Variants in TSHB observed in about 807,000 individuals in gnomAD.
The protein encoded by TSHB is thyrotropin subunit beta.
Under a neutral mutation model 9.3 loss-of-function variants are expected in TSHB, and 9 were observed. The ratio of observed to expected loss-of-function variants is 0.97; its 90% confidence interval spans 0.58 to 1.69. The LOEUF is 1.69. Among genes scored for constraint, TSHB ranks in the 40% most tolerant of loss-of-function variants. The pLI is 0.00. For synonymous variants in TSHB, 57 were observed against 57.2 expected (o/e 1.00, Z 0.01); for missense variants, 182 against 168.5 (o/e 1.08, Z -0.44).
At chr1:115,033,578 G>A in intron 2 of TSHB, 54 bp downstream of exon 2, 1 of 1,464,494 alleles carries the variant, frequency 6.8e-7, no homozygotes, top group Non-Finnish European at 9.6e-7. Context: ...CCCTGAAGAA[G>A]TCCATTCCTA....
intron 1 of TSHB, among the ~76,000 whole-genome samples, chr1:115,030,511 G>A (rs1038940191): frequency 1.3e-5 from 2 of 151,926 alleles, no homozygotes; most frequent in Non-Finnish European, 2.9e-5. Context: ...AGAGAGGAAA[G>A]TGTTTATTAA....
intron 1 of TSHB, among the ~76,000 whole-genome samples, chr1:115,030,467 G>C (rs1188936750): frequency 6.6e-6 from 1 of 151,954 alleles, no homozygotes; most frequent in Non-Finnish European, 1.5e-5. Flanking sequence ...AAGGGATTTG[G>C]AGAGTAAAAA....
In TSHB at chr1:115,033,421, C is replaced by G. The variant is rs781534084; in HGVS notation, c.59C>G (p.Ser20Cys). Residue 20 changes from serine to cysteine, a missense_variant, in exon 2 of 3, where the codon TCT becomes TGT. Physicochemically the swap from Ser to Cys is moderately radical, Grantham distance 112 (BLOSUM62 -1). Transcript: ENST00000256592. ...LFGLTCGQAM[S>C]FCIPTEYTMH... Reference sequence around the variant, plus strand: ...GGCCTTACATGTGGGCAAGCGATGTCTTTTTGTATTCCAACTGAGTATACA... The same window carrying G: ...GGCCTTACATGTGGGCAAGCGATGTGTTTTTGTATTCCAACTGAGTATACA... 1.2e-6 allele frequency: 2 copies of G among 1,613,338 alleles called. No homozygotes were observed. The highest frequency in any genetic ancestry group is 3.3e-5 in the Admixed American group (2 of 59,976).
chr1:115,034,099 T>C lies in TSHB; in HGVS notation c.289T>C (p.Tyr97His). The C allele has an allele frequency of 6.2e-7, 1 of 1,613,850 alleles. No homozygotes were observed. The highest frequency in any genetic ancestry group is 8.5e-7 in the Non-Finnish European group (1 of 1,179,810). Residue 97 changes from tyrosine to histidine, a missense_variant, in exon 3 of 3, where the codon TAT (tyrosine) becomes CAT (histidine). Physicochemically the swap from Tyr to His is moderately conservative, Grantham distance 83 (BLOSUM62 2). Transcript: ENST00000256592. Reference sequence around the variant, plus strand: ...ACTCCATGTTGCTCCCTATTTTTCCTATCCTGTTGCTTTAAGCTGTAAGTG... The same window carrying C: ...ACTCCATGTTGCTCCCTATTTTTCCCATCCTGTTGCTTTAAGCTGTAAGTG... ...CPLHVAPYFS[Y>H]PVALSCKCGK...
chr1:115,030,870 T>C (rs1440181529), intron 1 of TSHB, among the ~76,000 whole-genome samples: 1 of 152,068 alleles, frequency 6.6e-6, no homozygotes, highest in East Asian at 1.9e-4. Context: ...GCCAAGTGTT[T>C]CACATGTATT....
intron 1 of TSHB, among the ~76,000 whole-genome samples, chr1:115,030,889 C>CT (rs1333004948): frequency 6.6e-6 from 1 of 151,912 alleles, no homozygotes; most frequent in Non-Finnish European, 1.5e-5. Flanking sequence ...TTGTTTTATT[C>CT]TTTTTATGAT....
chr1:115,031,240 T>G (rs976968286), intron 1 of TSHB, among the ~76,000 whole-genome samples: 1 of 152,020 alleles, frequency 6.6e-6, no homozygotes, highest in African/African-American at 2.4e-5. Flanking sequence ...GGCTGGTAAT[T>G]CAGCACTTCC....
At chr1:115,032,136 C>A (rs535730768) in intron 1 of TSHB, among the ~76,000 whole-genome samples, 1 of 152,050 alleles carries the variant, frequency 6.6e-6, no homozygotes, top group East Asian at 1.9e-4. Context: ...TTGTCAGTGC[C>A]TGGTTCAGAT....
chr1:115,032,865 T>C (rs567013786), intron 1 of TSHB, among the ~76,000 whole-genome samples: 23 of 152,190 alleles, frequency 1.5e-4, no homozygotes, highest in East Asian at 5.8e-4. Flanking sequence ...ACGCAGGCTC[T>C]ATTGAGATGC....
intron 2 of TSHB, 23 bp from the exon 3 acceptor site, chr1:115,033,948 GCT>G (rs745834078): frequency 6.2e-7 from 1 of 1,611,464 alleles, no homozygotes; most frequent in Non-Finnish European, 8.5e-7. Context: ...GTCACATTAT[GCT>G]CTCTTTTCTG....
chr1:115,030,813 G>A (rs1359063191), intron 1 of TSHB, among the ~76,000 whole-genome samples: 1 of 152,054 alleles, frequency 6.6e-6, no homozygotes, highest in African/African-American at 2.4e-5. Flanking sequence ...TAACTAACGC[G>A]GATTTGTACA....
At chr1:115,031,417 A>G (rs1674892025) in intron 1 of TSHB, among the ~76,000 whole-genome samples, 1 of 152,018 alleles carries the variant, frequency 6.6e-6, no homozygotes, top group Non-Finnish European at 1.5e-5. Flanking sequence ...AGATGGGGAA[A>G]TAACACTCAA....
At chr1:115,031,948 C>G (rs1674901987) in intron 1 of TSHB, among the ~76,000 whole-genome samples, 1 of 151,926 alleles carries the variant, frequency 6.6e-6, no homozygotes, top group South Asian at 2.1e-4. Flanking sequence ...AGTTTACTTT[C>G]TTGTGTAATA....
chr1:115,031,653 A>G (rs558409193), intron 1 of TSHB, among the ~76,000 whole-genome samples: 20 of 152,166 alleles, frequency 1.3e-4, no homozygotes, highest in African/African-American at 4.8e-4. Flanking sequence ...AGCATTTTAC[A>G]TAATTTACCA....
Position 115,033,506 on chromosome 1 carries a change from T to A in TSHB, c.144T>A (p.Ala48=). The stretch of plus-strand genomic sequence containing the variant: ...TAACCATCAACACCACCATCTGTGC[T>A]GGATATTGTATGACACGGGTATGTA... The part of the protein sequence containing the change: ...YCLTINTTIC[A]GYCMTRDING... The change falls in exon 2 of 3, where the codon GCT becomes GCA. Residue 48 remains alanine, a synonymous_variant. Coordinates refer to ENST00000256592, the MANE Select transcript of TSHB (RefSeq NM_000549.5). 6.2e-7 allele frequency: 1 copy of A among 1,613,342 alleles called. No individual in the cohort carries two copies. The highest frequency in any genetic ancestry group is 8.5e-7 in the Non-Finnish European group (1 of 1,179,330).
chr1:115,034,013 C>T lies in TSHB; in HGVS notation c.203C>T (p.Ser68Phe). ...GKLFLPKYAL[S>F]QDVCTYRDFI... ...CTGTTTCTTCCCAAATATGCTCTGTCCCAGGATGTTTGCACATATAGAGAC... is the reference window on the plus strand; with the variant it reads ...CTGTTTCTTCCCAAATATGCTCTGTTCCAGGATGTTTGCACATATAGAGAC... The change falls in exon 3 of 3, where the codon TCC becomes TTC. Residue 68 changes from serine (S) to phenylalanine (F), a missense_variant. Physicochemically the swap from Ser to Phe is radical, Grantham distance 155 (BLOSUM62 -2). Coordinates refer to ENST00000256592, the MANE Select transcript of TSHB (RefSeq NM_000549.5). 1 of 1,613,774 alleles carries T rather than the reference C, an allele frequency of 6.2e-7. No homozygotes were observed. Among genetic ancestry groups the T allele is most frequent in the Non-Finnish European group, 8.5e-7 (1 of 1,179,750 alleles).
chr1:115,032,903 G>A (rs1408085407), intron 1 of TSHB, among the ~76,000 whole-genome samples: 3 of 151,806 alleles, frequency 2.0e-5, no homozygotes, highest in Non-Finnish European at 4.4e-5. Context: ...GAGGCACTGT[G>A]GATCCTCTAT....
chr1:115,034,202 C>G lies in TSHB; in HGVS notation c.392C>G (p.Ser131Cys), dbSNP rs146817623. Residue 131 changes from serine (S) to cysteine (C), a missense_variant, in exon 3 of 3, where the codon TCT (serine) becomes TGT (cysteine). Transcript: ENST00000256592. ...KTNYCTKPQK[S>C]YLVGFSV is the part of the protein sequence containing the mutation. ...AACTACTGTACCAAACCTCAGAAGT[C>G]TTATCTGGTAGGATTTTCTGTCTAA... is the stretch of plus-strand genomic sequence containing the variant. The G allele has an allele frequency of 6.2e-7, 1 of 1,613,750 alleles. No homozygotes were observed. Among genetic ancestry groups the G allele is most frequent in the Non-Finnish European group, 8.5e-7 (1 of 1,179,750 alleles).
chr1:115,034,027 A>C lies in TSHB; in HGVS notation c.217A>C (p.Thr73Pro). The C allele has an allele frequency of 6.2e-7, 1 of 1,613,810 alleles. No individual in the cohort carries two copies. The highest frequency in any genetic ancestry group is 8.5e-7 in the Non-Finnish European group (1 of 1,179,750). ...PKYALSQDVC[T>P]YRDFIYRTVE... ...ATATGCTCTGTCCCAGGATGTTTGC[A>C]CATATAGAGACTTCATCTACAGGAC... The change falls in exon 3 of 3, where the codon ACA (threonine) becomes CCA (proline). Residue 73 changes from threonine (T) to proline (P), a missense_variant. By Grantham distance (38) the Thr-to-Pro change is conservative. Coordinates refer to ENST00000256592, the MANE Select transcript of TSHB (RefSeq NM_000549.5).
Sources: allele counts gnomAD v4.1 joint callset (sites outside exome capture counted in the v4.1 genomes callset), GRCh38; gene constraint gnomAD v4.1.1; transcripts MANE v1.5; gene names NCBI Gene and HGNC (gene_info 2026-07-23, HGNC 2026-07-21).